The following EMG1 variants were observed in gnomAD, a reference collection of about 807,000 sequenced individuals.
EMG1 encodes the protein ribosomal RNA small subunit methyltransferase NEP1.
A neutral mutation model predicts 26.9 loss-of-function variants in EMG1; 24 were observed. That is an observed-to-expected ratio of 0.89 (90% CI 0.65 to 1.26). The LOEUF is 1.26. EMG1 is among the 50% of genes most tolerant of loss of function. The pLI, the probability that EMG1 is intolerant of heterozygous loss-of-function variation, is 0.00. For synonymous variants in EMG1, 140 were observed against 112.6 expected, an observed-to-expected ratio of 1.24 and a Z score of -1.54; for missense variants, 299 against 307.6, an observed-to-expected ratio of 0.97 and a Z score of 0.21.
intron 1 of EMG1, among the ~76,000 whole-genome samples, chr12:6,971,430 C>T (rs1285248469): frequency 2.0e-5 from 3 of 151,968 alleles, no homozygotes; most frequent in Non-Finnish European, 4.4e-5. Context: ...GGTGCCACCA[C>T]GCCCGGCTAA....
downstream of EMG1, among the ~76,000 whole-genome samples, chr12:6,984,687 AGT>A (rs1391475381): frequency 6.6e-6 from 1 of 152,180 alleles, no homozygotes; most frequent in Non-Finnish European, 1.5e-5. Context: ...CCTGGGCTCA[AGT>A]GATCCTCCAA....
rs782002670 is a variant in EMG1, at chr12:6,973,373, G to T, written c.169-966G>T. 2.0e-5 allele frequency among the ~76,000 whole-genome samples: 3 copies of T among 151,274 alleles called. No individual in the cohort carries two copies. In the East Asian group the frequency reaches 5.9e-4, roughly 30 times the overall value. On this transcript the variant is annotated intron_variant, in intron 1 of 5. Transcript: ENST00000599672. The stretch of plus-strand genomic sequence containing the variant: ...AGTAGAGATGGGGTTTCGCCATGTT[G>T]CCCAGGCTGGTCTTGAACTCCTGAC...
At position 6,995,121 on chromosome 12, in the gene EMG1, C is replaced by CT. The variant is rs34836555; in HGVS notation, c.*212-2089dup. Among the ~76,000 whole-genome samples, 62 of 145,050 alleles carry CT rather than the reference C, an allele frequency of 4.3e-4. No homozygotes were observed. The East Asian group carries it at 6.6e-3, about 15-fold the overall frequency. On this transcript the variant is annotated intron_variant and NMD_transcript_variant, in intron 7 of 7. Coordinates refer to the EMG1 transcript ENST00000607161. Reference sequence around the variant, plus strand: ...TCTCCCTAAATCAGCCTTCTCTGGGCTTTTTTTTTTTTTTTAAATTAACAG... The same window carrying CT: ...TCTCCCTAAATCAGCCTTCTCTGGGCTTTTTTTTTTTTTTTTAAATTAACAG...
downstream of EMG1, chr12:6,982,013 G>A: frequency 1.5e-6 from 1 of 670,916 alleles, no homozygotes; most frequent in Admixed American, 2.5e-5. Flanking sequence ...ATCATTAAAA[G>A]CCTTAATAAA....
At chr12:6,984,611 G>A (rs1474208687), downstream of EMG1, among the ~76,000 whole-genome samples, 1 of 152,148 alleles carries the variant, frequency 6.6e-6, no homozygotes, top group Non-Finnish European at 1.5e-5. Context: ...TTGAGACAGG[G>A]TCTCTTGCTC....
rs1281208337 is a variant in EMG1, at chr12:6,987,335, C to T, written c.*155-447C>T. ...GGGTAGGAGGTGGCATGTGATGGTTCGTTTTCTAGCTGGCTGAGATGATGG... is the reference window on the plus strand; with the variant it reads ...GGGTAGGAGGTGGCATGTGATGGTTTGTTTTCTAGCTGGCTGAGATGATGG... On this transcript the variant is annotated intron_variant and NMD_transcript_variant, in intron 6 of 7. Coordinates refer to the EMG1 transcript ENST00000261406. The surrounding 1 kb of genome is among the most constrained non-coding windows in gnomAD (Gnocchi z 4.1). Among the ~76,000 whole-genome samples, 1 of 152,098 alleles carries T rather than the reference C, an allele frequency of 6.6e-6. No homozygotes were observed. Among genetic ancestry groups the T allele is most frequent in the African/African-American group, 2.4e-5 (1 of 41,406 alleles).
Position 6,976,993 on chromosome 12 carries a change from A to G in EMG1, c.*1184A>G, listed in dbSNP as rs1946411146. On this transcript the variant is annotated 3_prime_UTR_variant, in exon 6 of 6. Transcript: ENST00000599672. ...CTAGCATGCCTCAATAAGTCACAGT[A>G]GTCATTGCCCATACTGTGTTCCTTA... 1.6e-6 allele frequency: 1 copy of G among 641,712 alleles called. No homozygotes were observed. Among genetic ancestry groups the G allele is most frequent in the South Asian group, 1.8e-5 (1 of 55,090 alleles). 39.8% of individuals were successfully genotyped at this position (641,712 alleles called of 1,614,324 possible). A position where few individuals can be genotyped will look rare whatever the true frequency, so the allele number is the denominator to read the frequency against.
Position 6,978,931 on chromosome 12 carries a change from C to G in EMG1, c.*3122C>G. 2.0e-6 allele frequency: 1 copy of G among 510,856 alleles called. No individual in the cohort carries two copies. The allele number at this position is 510,856 out of a possible 1,614,324, so 31.6% of individuals were successfully genotyped here. ...TCAAGGGCAGCACTGTATTTAACTTCTCTACTGTTTGCCTTCGTTGGCAAA... is the reference window on the plus strand; with the variant it reads ...TCAAGGGCAGCACTGTATTTAACTTGTCTACTGTTTGCCTTCGTTGGCAAA... On this transcript the variant is annotated 3_prime_UTR_variant, in exon 6 of 6. Transcript: ENST00000599672.
intron 3 of EMG1, 161 bp downstream of exon 3, chr12:6,974,854 A>G: frequency 1.1e-6 from 1 of 894,916 alleles, no homozygotes; most frequent in Non-Finnish European, 1.7e-6. Context: ...TGTTTGTGGA[A>G]ACTCCACTCC....
chr12:6,989,780 C>T (rs1348621877), downstream of EMG1, among the ~76,000 whole-genome samples: 1 of 152,120 alleles, frequency 6.6e-6, no homozygotes, highest in Non-Finnish European at 1.5e-5. Flanking sequence ...TTAGCGGGAA[C>T]GTTTTCTTAT....
rs782280350 is a variant in EMG1 at position 6,975,761 on chromosome 12, C to A, written c.687C>A (p.Thr229=). Residue 229 remains threonine, a synonymous_variant, in exon 6 of 6, where the codon ACC becomes ACA. Coordinates refer to ENST00000599672, the MANE Select transcript of EMG1 (RefSeq NM_006331.8). ...ISNYPLSAAL[T]CAKLTTAFEE... is the part of the protein sequence containing the mutation. ...ACTACCCCCTTTCTGCTGCCCTCACCTGTGCAAAACTTACCACAGCCTTTG... is the reference window on the plus strand; with the variant it reads ...ACTACCCCCTTTCTGCTGCCCTCACATGTGCAAAACTTACCACAGCCTTTG... 2.5e-6 allele frequency: 4 copies of A among 1,613,440 alleles called. No homozygotes were observed. In the East Asian group the frequency reaches 8.9e-5, roughly 36 times the overall value.
chr12:6,986,058 A>C (rs1591549115), intron 6 of EMG1, among the ~76,000 whole-genome samples: 1 of 151,518 alleles, frequency 6.6e-6, no homozygotes, highest in African/African-American at 2.4e-5. Flanking sequence ...TACAGGCGTG[A>C]GCCACCACGC....
rs1413297226 is a variant in EMG1 at position 6,975,683 on chromosome 12, GTTCTT to G, written c.622-7_622-3del. 4 of 1,565,454 alleles carry G rather than the reference GTTCTT, an allele frequency of 2.6e-6. No homozygotes were observed. Among genetic ancestry groups the G allele is most frequent in the African/African-American group, 1.4e-5 (1 of 73,968 alleles). ...AGTGACAGAGTTGGCTGACAAAACTGTTCTTTTCTTAGGTCAGTGTGGAGTATACA... is the reference window on the plus strand; with the variant it reads ...AGTGACAGAGTTGGCTGACAAAACTGTTCTTAGGTCAGTGTGGAGTATACA... On this transcript the variant is annotated splice_polypyrimidine_tract_variant and splice_region_variant and intron_variant, in intron 5 of 5. Transcript: ENST00000599672.
At position 6,970,932 on chromosome 12, in the gene EMG1, G is replaced by A; in HGVS notation, c.9G>A (p.Ala3=). 6.2e-7 allele frequency: 1 copy of A among 1,612,678 alleles called. No homozygotes were observed. The highest frequency in any genetic ancestry group is 1.1e-5 in the South Asian group (1 of 90,776). The part of the protein sequence containing the change: MA[A]PSDGFKPRER... ...TCCGGTATTGTTGCAAGATGGCCGC[G>A]CCCAGTGATGGATTCAAGCCTCGTG... Residue 3 remains alanine, a synonymous_variant, in exon 1 of 6, where the codon GCG becomes GCA. Coordinates refer to ENST00000599672, the MANE Select transcript of EMG1 (RefSeq NM_006331.8).
rs782546340 is a variant in EMG1, at chr12:6,970,964, G to C, written c.41G>C (p.Ser14Thr). 1 of 1,613,056 alleles carries C rather than the reference G, an allele frequency of 6.2e-7. No individual in the cohort carries two copies. The highest frequency in any genetic ancestry group is 8.5e-7 in the Non-Finnish European group (1 of 1,179,456). Residue 14 changes from serine (S) to threonine (T), a missense_variant, in exon 1 of 6, where the codon AGC becomes ACC. Ser to Thr is a moderately conservative substitution (Grantham distance 58). Coordinates refer to ENST00000599672, the MANE Select transcript of EMG1 (RefSeq NM_006331.8). ...PSDGFKPRERSGGEQAQDWDA... is the reference protein window; with the variant it reads ...PSDGFKPRERTGGEQAQDWDA... The stretch of plus-strand genomic sequence containing the variant: ...GATGGATTCAAGCCTCGTGAACGAA[G>C]CGGTGGGGAGCAGGCACAGGACTGG...
At chr12:6,981,660 G>C (rs781885058), downstream of EMG1, 82 of 1,612,666 alleles carry the variant, frequency 5.1e-5, no homozygotes, top group Non-Finnish European at 6.2e-5. Context: ...GGATGGGTAG[G>C]GTGGTGGGAG....
chr12:6,994,158 T>A (rs1357603195), intron 7 of EMG1, among the ~76,000 whole-genome samples: 1 of 152,200 alleles, frequency 6.6e-6, no homozygotes, highest in African/African-American at 2.4e-5. Flanking sequence ...TATGTTTTTA[T>A]GTTTTCAATT....
chr12:6,976,909 T>G lies in EMG1; in HGVS notation c.*1100T>G. 2.1e-6 allele frequency: 1 copy of G among 474,982 alleles called. No homozygotes were observed. The highest frequency in any genetic ancestry group is 3.9e-6 in the Non-Finnish European group (1 of 259,036). The allele number at this position is 474,982 out of a possible 1,614,324, so 29.4% of individuals were successfully genotyped here. A position where few individuals can be genotyped will look rare whatever the true frequency, so the allele number is the denominator to read the frequency against. ...CAGGCCACCTGCAAGACAAGAGGAG[T>G]TTGGAAGGCTGGTTAGTTACTCCTG... On this transcript the variant is annotated 3_prime_UTR_variant, in exon 6 of 6. Coordinates refer to ENST00000599672, the MANE Select transcript of EMG1 (RefSeq NM_006331.8).
rs782260729 is a variant in EMG1 at position 6,994,283 on chromosome 12, C to T, written c.*212-2942C>T. On this transcript the variant is annotated intron_variant and NMD_transcript_variant, in intron 7 of 7. Transcript: ENST00000607161. The stretch of plus-strand genomic sequence containing the variant: ...AGTGCAGTGGCATGATCTTGGCTCA[C>T]GGCAACCTCCGCTTCCCAGGTTCAA... Among the ~76,000 whole-genome samples, 13 of 152,280 alleles carry T rather than the reference C, an allele frequency of 8.5e-5. No individual in the cohort carries two copies. The East Asian group carries it at 2.3e-3, about 27-fold the overall frequency.
Sources: gnomAD v4.1 joint callset for allele counts (sites outside exome capture counted in the v4.1 genomes callset) on GRCh38, gnomAD v4.1.1 for gene constraint, Gnocchi (gnomAD v3.1) non-coding constraint, MANE v1.5 for transcripts, NCBI Gene and HGNC (gene_info 2026-07-23, HGNC 2026-07-21) for gene names.